The following SMARCC1 variants were observed in gnomAD, a reference collection of about 807,000 sequenced individuals.
The protein encoded by SMARCC1 is SWI/SNF complex subunit SMARCC1.
In SMARCC1, 43 loss-of-function variants were observed where a neutral mutation model predicts 147.4. The ratio of observed to expected loss-of-function variants is 0.29; its 90% CI spans 0.23 to 0.38. The LOEUF is 0.38. SMARCC1 is among the 10% of genes least tolerant of loss of function. The probability of loss-of-function intolerance (pLI) is 1.00; values close to 1 mark genes in which losing one functional copy is unlikely to be tolerated. For synonymous variants in SMARCC1, 495 were observed against 484.4 expected, an observed-to-expected ratio of 1.02 and a Z score of -0.29; for missense variants, 1,119 against 1,381.1, an observed-to-expected ratio of 0.81 and a Z score of 3.01.
At chr3:47,726,209 T>C (rs2106816999) in intron 6 of SMARCC1, among the ~76,000 whole-genome samples, 1 of 151,152 alleles carries the variant, frequency 6.6e-6, no homozygotes, top group East Asian at 1.9e-4. Context: ...GCCTAGGAAA[T>C]ATAGTGAGAC....
At chr3:47,695,671 G>A (rs572489580) in intron 11 of SMARCC1, among the ~76,000 whole-genome samples, 1 of 149,464 alleles carries the variant, frequency 6.7e-6, no homozygotes, top group South Asian at 2.1e-4. Context: ...GGAGGCTGAA[G>A]CAGAAGAATC....
intron 19 of SMARCC1, 152 bp downstream of exon 19, chr3:47,670,506 C>T: frequency 1.6e-6 from 1 of 627,186 alleles, no homozygotes. Context: ...ATCGCCTGAG[C>T]CTGGGAGGTA....
intron 21 of SMARCC1, among the ~76,000 whole-genome samples, chr3:47,639,663 G>A (rs893624613): frequency 1.3e-5 from 2 of 152,048 alleles, no homozygotes; most frequent in Admixed American, 1.3e-4. Context: ...GCAGTGAGCC[G>A]AGATTGCACC....
chr3:47,770,733 G>GCTGA (rs1423568823), intron 2 of SMARCC1, among the ~76,000 whole-genome samples: 6 of 152,094 alleles, frequency 3.9e-5, no homozygotes, highest in African/African-American at 1.2e-4. Flanking sequence ...AGAACACATT[G>GCTGA]CTGAATTCCT....
At chr3:47,672,723 G>T (rs549803300) in intron 18 of SMARCC1, among the ~76,000 whole-genome samples, 1 of 152,100 alleles carries the variant, frequency 6.6e-6, no homozygotes, top group Non-Finnish European at 1.5e-5. Context: ...CCACTTCTCA[G>T]CCACAAAGTG....
intron 26 of SMARCC1, among the ~76,000 whole-genome samples, chr3:47,598,234 A>C (rs2032322852): frequency 6.6e-6 from 1 of 152,178 alleles, no homozygotes; most frequent in South Asian, 2.1e-4. Context: ...GTGAAGGACA[A>C]CAGGAGATGA....
intron 24 of SMARCC1, among the ~76,000 whole-genome samples, chr3:47,624,914 A>G (rs1330149319): frequency 1.3e-5 from 2 of 149,608 alleles, no homozygotes; most frequent in Non-Finnish European, 3.0e-5. Flanking sequence ...AAAAAAAAAA[A>G]AGCTGGATGT....
intron 1 of SMARCC1, among the ~76,000 whole-genome samples, chr3:47,778,447 G>A (rs1433911376): frequency 6.6e-6 from 1 of 151,710 alleles, no homozygotes; most frequent in African/African-American, 2.4e-5. Flanking sequence ...CAAGTAGCTG[G>A]GACTACACGT....
intron 24 of SMARCC1, among the ~76,000 whole-genome samples, chr3:47,627,915 A>C (rs1356502573): frequency 2.0e-5 from 3 of 151,604 alleles, no homozygotes; most frequent in Non-Finnish European, 4.4e-5. Flanking sequence ...TAGAGACATG[A>C]TCTCTCTCTG....
chr3:47,623,188 A>G (rs1206761352), intron 24 of SMARCC1, among the ~76,000 whole-genome samples: 1 of 150,422 alleles, frequency 6.6e-6, no homozygotes, highest in Non-Finnish European at 1.5e-5. Flanking sequence ...AAAAAAAAAA[A>G]AAAACCTATG....
At chr3:47,665,355 A>C (rs1285465956) in intron 19 of SMARCC1, among the ~76,000 whole-genome samples, 1 of 152,212 alleles carries the variant, frequency 6.6e-6, no homozygotes, top group African/African-American at 2.4e-5. Flanking sequence ...AAAGAAAAAT[A>C]AATCTCACTC....
intron 25 of SMARCC1, among the ~76,000 whole-genome samples, chr3:47,618,032 G>A (rs1339972697): frequency 3.3e-5 from 5 of 151,948 alleles, no homozygotes; most frequent in Non-Finnish European, 7.4e-5. Context: ...GTAGGGGTAG[G>A]GACTGTCTCA....
intron 25 of SMARCC1, among the ~76,000 whole-genome samples, chr3:47,621,193 G>C (rs928353891): frequency 1.3e-5 from 2 of 151,946 alleles, no homozygotes; most frequent in African/African-American, 4.8e-5. Context: ...CCAGCTACTT[G>C]GGAGGCTGAG....
intron 5 of SMARCC1, among the ~76,000 whole-genome samples, chr3:47,733,708 A>C (rs2034404093): frequency 6.6e-6 from 1 of 151,796 alleles, no homozygotes; most frequent in African/African-American, 2.4e-5. Context: ...CTAAAAATAC[A>C]AAAAAATTAG....
In SMARCC1 at chr3:47,750,671, A is replaced by C. The variant is rs902937939; in HGVS notation, c.316-4678T>G. Among the ~76,000 whole-genome samples the C allele has an allele frequency of 7.2e-5, 11 of 152,128 alleles. No individual in the cohort carries two copies. The South Asian group carries it at 1.9e-3, about 26-fold the overall frequency. On this transcript the variant is annotated intron_variant, in intron 2 of 27. Transcript: ENST00000254480. ...GTGGACAGGAACAGTGCTTATTCAA[A>C]TCTATCACCAATATTCAGCAATGTG...
intron 19 of SMARCC1, among the ~76,000 whole-genome samples, chr3:47,664,461 A>G (rs2033397421): frequency 6.6e-6 from 1 of 152,206 alleles, no homozygotes; most frequent in African/African-American, 2.4e-5. Context: ...TAAAATTTAT[A>G]AACTACATAC....
chr3:47,726,675 T>C (rs2034303885), intron 6 of SMARCC1, among the ~76,000 whole-genome samples: 1 of 152,214 alleles, frequency 6.6e-6, no homozygotes, highest in African/African-American at 2.4e-5. Context: ...TAGCACATGC[T>C]GTAACATGAA....
Position 47,679,232 on chromosome 3 carries a change from AACAGATTAATACCCTGATTAAT to A in SMARCC1, c.1458-943_1458-922del, listed in dbSNP as rs1378222252. The stretch of plus-strand genomic sequence containing the variant: ...TGTCTCAAAAAAAAAAAAAAAAAGT[AACAGATTAATACCCTGATTAAT>A]ACATGGGAGGGTATGTACAGTATTG... On this transcript the variant is annotated intron_variant, in intron 15 of 27. Coordinates refer to ENST00000254480, the MANE Select transcript of SMARCC1 (RefSeq NM_003074.4). 4.0e-5 allele frequency among the ~76,000 whole-genome samples: 6 copies of A among 151,800 alleles called. No homozygotes were observed. In the East Asian group the frequency reaches 9.7e-4, roughly 24 times the overall value.
chr3:47,735,939 C>A, intron 5 of SMARCC1, 95 bp downstream of exon 5: 5 of 520,834 alleles, frequency 9.6e-6, no homozygotes, highest in Non-Finnish European at 1.3e-5. Flanking sequence ...ATCAAAAAAT[C>A]CAAAACATTA....
Sources: gnomAD v4.1 joint callset for allele counts (sites outside exome capture counted in the v4.1 genomes callset) on GRCh38, gnomAD v4.1.1 for gene constraint, MANE v1.5 for transcripts, NCBI Gene and HGNC (gene_info 2026-07-23, HGNC 2026-07-21) for gene names.